Variants in CCDC116 observed in about 807,000 individuals in gnomAD.
The protein encoded by CCDC116 is coiled-coil domain-containing protein 116.
Under a neutral mutation model 29.4 loss-of-function variants are expected in CCDC116, and 24 were observed. The ratio of observed to expected loss-of-function variants is 0.82; its 90% CI spans 0.59 to 1.15. CCDC116 has a LOEUF of 1.15. CCDC116 is among the 50% of genes most tolerant of loss of function. CCDC116 has a pLI of 0.00. For synonymous variants in CCDC116, 298 were observed against 331.4 expected, an observed-to-expected ratio of 0.90 and a Z score of 1.10; for missense variants, 791 against 804.0, an observed-to-expected ratio of 0.98 and a Z score of 0.20.
Position 21,636,426 on chromosome 22 carries a change from A to G in CCDC116, c.1204-6A>G. The G allele has an allele frequency of 6.2e-7, 1 of 1,610,752 alleles. No homozygotes were observed. Among genetic ancestry groups the G allele is most frequent in the Non-Finnish European group, 8.5e-7 (1 of 1,178,976 alleles). The stretch of plus-strand genomic sequence containing the variant: ...GTGTCCCTTTCCCTCCCCGGCTGCT[A>G]TGCAGAGCCCCTGCAGCAGCAGCAG... On this transcript the variant is annotated splice_polypyrimidine_tract_variant and splice_region_variant and intron_variant, in intron 4 of 4. Coordinates refer to ENST00000292779, the MANE Select transcript of CCDC116 (RefSeq NM_152612.3).
Position 21,637,133 on chromosome 22 carries a change from C to A in CCDC116, c.*63C>A. ...ACTCCGTGGACGTGGGCCACGGTGACCCACCATGAAGTCCCCACTAGCCAC... is the reference window on the plus strand; with the variant it reads ...ACTCCGTGGACGTGGGCCACGGTGAACCACCATGAAGTCCCCACTAGCCAC... On this transcript the variant is annotated 3_prime_UTR_variant, in exon 5 of 5. Coordinates refer to ENST00000292779, the MANE Select transcript of CCDC116 (RefSeq NM_152612.3). The A allele has an allele frequency of 6.7e-7, 1 of 1,495,422 alleles. No homozygotes were observed. Among genetic ancestry groups the A allele is most frequent in the Non-Finnish European group, 8.9e-7 (1 of 1,121,566 alleles). The allele number at this position is 1,495,422 out of a possible 1,614,324, so 92.6% of individuals were successfully genotyped here. A position where few individuals can be genotyped will look rare whatever the true frequency, so the allele number is the denominator to read the frequency against.
At position 21,637,027 on chromosome 22, in the gene CCDC116, A is replaced by G; in HGVS notation, c.1799A>G (p.Lys600Arg). ...EIEDEDEDEFKDEDQDEDKDE... is the reference protein window; with the variant it reads ...EIEDEDEDEFRDEDQDEDKDE... The stretch of plus-strand genomic sequence containing the variant: ...GAAGATGAAGATGAGGATGAGTTCA[A>G]GGATGAAGACCAGGATGAGGACAAG... Residue 600 changes from lysine to arginine, a missense_variant, in exon 5 of 5, where the codon AAG (lysine) becomes AGG (arginine). Transcript: ENST00000292779. 6.2e-7 allele frequency: 1 copy of G among 1,613,332 alleles called. No homozygotes were observed. The highest frequency in any genetic ancestry group is 8.5e-7 in the Non-Finnish European group (1 of 1,180,014).
Position 21,632,818 on chromosome 22 carries a change from G to A in CCDC116, c.-72G>A, listed in dbSNP as rs1046919836. Reference sequence around the variant, plus strand: ...TGTACTGGCCTGTGCGGAGCAAGGCGGTGTTTCTGGTGAGTCTGTTGATTC... The same window carrying A: ...TGTACTGGCCTGTGCGGAGCAAGGCAGTGTTTCTGGTGAGTCTGTTGATTC... On this transcript the variant is annotated 5_prime_UTR_variant, in exon 1 of 5. Transcript: ENST00000292779. 3.8e-5 allele frequency: 16 copies of A among 423,810 alleles called. No individual in the cohort carries two copies. The highest frequency in any genetic ancestry group is 6.8e-5 in the Non-Finnish European group (15 of 221,348). 26.3% of individuals were successfully genotyped at this position (423,810 alleles called of 1,614,324 possible).
Position 21,636,873 on chromosome 22 carries a change from A to AGT in CCDC116, c.1645_1646insGT (p.Asn549SerfsTer?). On this transcript the variant is annotated frameshift_variant, in exon 5 of 5. Coordinates refer to ENST00000292779, the MANE Select transcript of CCDC116 (RefSeq NM_152612.3). LOFTEE classifies it low-confidence loss of function (END_TRUNC). ...AGAGCCCTGCCGCTCCCTCTACACCAACTTGCCAGCCAGCCGGCAGCTCAG... is the reference window on the plus strand; with the variant it reads ...AGAGCCCTGCCGCTCCCTCTACACCAGTACTTGCCAGCCAGCCGGCAGCTCAG... The AGT allele has an allele frequency of 6.2e-7, 1 of 1,613,646 alleles. No individual in the cohort carries two copies. Among genetic ancestry groups the AGT allele is most frequent in the South Asian group, 1.1e-5 (1 of 91,078 alleles).
Position 21,637,017 on chromosome 22 carries a change from G to A in CCDC116, c.1789G>A (p.Asp597Asn). The change falls in exon 5 of 5, where the codon GAT becomes AAT. Residue 597 changes from aspartate to asparagine, a missense_variant. Physicochemically the swap from Asp to Asn is conservative, Grantham distance 23. Transcript: ENST00000292779. ...AGCCGAGATTGAAGATGAAGATGAGGATGAGTTCAAGGATGAAGACCAGGA... is the reference window on the plus strand; with the variant it reads ...AGCCGAGATTGAAGATGAAGATGAGAATGAGTTCAAGGATGAAGACCAGGA... ...DKAEIEDEDE[D>N]EFKDEDQDED... 1 of 1,613,294 alleles carries A rather than the reference G, an allele frequency of 6.2e-7. No individual in the cohort carries two copies. The highest frequency in any genetic ancestry group is 8.5e-7 in the Non-Finnish European group (1 of 1,179,924).
Position 21,637,121 on chromosome 22 carries a change from G to C in CCDC116, c.*51G>C. ...CCTCGGTCAGCCACTCCGTGGACGT[G>C]GGCCACGGTGACCCACCATGAAGTC... On this transcript the variant is annotated 3_prime_UTR_variant, in exon 5 of 5. Coordinates refer to ENST00000292779, the MANE Select transcript of CCDC116 (RefSeq NM_152612.3). 6.6e-7 allele frequency: 1 copy of C among 1,509,484 alleles called. No homozygotes were observed. Among genetic ancestry groups the C allele is most frequent in the Non-Finnish European group, 8.9e-7 (1 of 1,128,074 alleles). The allele number at this position is 1,509,484 out of a possible 1,614,324, so 93.5% of individuals were successfully genotyped here. A position where few individuals can be genotyped will look rare whatever the true frequency, so the allele number is the denominator to read the frequency against.
rs781588889 is a variant in CCDC116 at position 21,634,875 on chromosome 22, A to C, written c.812A>C (p.Glu271Ala). The C allele has an allele frequency of 1.9e-6, 3 of 1,613,870 alleles. No homozygotes were observed. The African/African-American group carries it at 4.0e-5, about 22-fold the overall frequency. The change falls in exon 4 of 5, where the codon GAG (glutamate) becomes GCG (alanine). Residue 271 changes from glutamate (E) to alanine (A), a missense_variant. By Grantham distance (107) the Glu-to-Ala change is moderately radical. Coordinates refer to ENST00000292779, the MANE Select transcript of CCDC116 (RefSeq NM_152612.3). ...CAGGAGCCAATCTTCCGCAAGCGAG[A>C]GTTCAATAAGGAGATCAAGTCATTA... ...GEQEPIFRKR[E>A]FNKEIKSLLS...
chr22:21,635,692 C>T, intron 4 of CCDC116: 1 of 654,718 alleles, frequency 1.5e-6, no homozygotes. Context: ...TCTTGCCCTG[C>T]ACTGTGGAAA....
In CCDC116 at chr22:21,636,604, A is replaced by AGG; in HGVS notation, c.1377_1378insGG (p.Gln460GlyfsTer21). 1 of 1,614,150 alleles carries AGG rather than the reference A, an allele frequency of 6.2e-7. No individual in the cohort carries two copies. Among genetic ancestry groups the AGG allele is most frequent in the Non-Finnish European group, 8.5e-7 (1 of 1,180,016 alleles). ...TACGAGTTCGAAAAGGACCTCAGTA[A>AGG]GCAGCTGGGCTTCTTCTCCTTCCCC... On this transcript the variant is annotated frameshift_variant, in exon 5 of 5. Transcript: ENST00000292779. LOFTEE classifies it low-confidence loss of function (END_TRUNC).
In CCDC116 at chr22:21,635,133, C is replaced by T; in HGVS notation, c.1070C>T (p.Thr357Ile). ...PPLGSEPAKP[T>I]NGGQPYASPR... is the part of the protein sequence containing the mutation. ...CTGGGCTCTGAGCCAGCTAAACCCA[C>T]CAATGGCGGGCAGCCCTATGCTTCC... The change falls in exon 4 of 5, where the codon ACC becomes ATC. Residue 357 changes from threonine to isoleucine, a missense_variant. Thr to Ile is a moderately conservative substitution (Grantham distance 89). Coordinates refer to ENST00000292779, the MANE Select transcript of CCDC116 (RefSeq NM_152612.3). The T allele has an allele frequency of 6.2e-7, 1 of 1,604,860 alleles. No individual in the cohort carries two copies. Among genetic ancestry groups the T allele is most frequent in the Admixed American group, 1.7e-5 (1 of 60,024 alleles).
Position 21,637,207 on chromosome 22 carries a change from C to A in CCDC116, c.*137C>A. On this transcript the variant is annotated 3_prime_UTR_variant, in exon 5 of 5. Coordinates refer to ENST00000292779, the MANE Select transcript of CCDC116 (RefSeq NM_152612.3). ...TGCTGCACATCACACCAGCCCCTGC[C>A]AAGAGCAGGAGTCACCACAGGCTGA... The A allele has an allele frequency of 7.4e-7, 1 of 1,343,762 alleles. No individual in the cohort carries two copies. The highest frequency in any genetic ancestry group is 9.9e-7 in the Non-Finnish European group (1 of 1,014,772). 83.2% of individuals were successfully genotyped at this position (1,343,762 alleles called of 1,614,324 possible). A position where few individuals can be genotyped will look rare whatever the true frequency, so the allele number is the denominator to read the frequency against.
intron 2 of CCDC116, 63 bp from the exon 3 acceptor site, chr22:21,633,959 T>C (rs1930652367): frequency 1.3e-6 from 2 of 1,482,058 alleles, no homozygotes; most frequent in Non-Finnish European, 1.8e-6. Flanking sequence ...GTCCTAGTGT[T>C]ACCCCAGGGA....
rs1168999873 is a variant in CCDC116, at chr22:21,634,239, T to A, written c.290T>A (p.Met97Lys). 6.2e-7 allele frequency: 1 copy of A among 1,614,174 alleles called. No individual in the cohort carries two copies. The highest frequency in any genetic ancestry group is 1.7e-5 in the Admixed American group (1 of 60,024). ...ETVVEKATER[M>K]AAMKTEAGVP... ...GTGGTGGAGAAGGCGACTGAGCGCA[T>A]GGCTGCCATGAAGACGGAGGCTGGG... is the stretch of plus-strand genomic sequence containing the variant. Residue 97 changes from methionine (M) to lysine (K), a missense_variant, in exon 3 of 5, where the codon ATG becomes AAG. Physicochemically the swap from Met to Lys is moderately conservative, Grantham distance 95. Transcript: ENST00000292779.
At position 21,636,826 on chromosome 22, in the gene CCDC116, A is replaced by G; in HGVS notation, c.1598A>G (p.His533Arg). The stretch of plus-strand genomic sequence containing the variant: ...TCTGTGCAGCAGGAACCAGCCACCC[A>G]CACTGCCCAGGACCAGGCCACAGAG... ...TPSVQQEPATHTAQDQATEPC... is the reference protein window; with the variant it reads ...TPSVQQEPATRTAQDQATEPC... Residue 533 changes from histidine to arginine, a missense_variant, in exon 5 of 5, where the codon CAC becomes CGC. His to Arg is a conservative substitution (Grantham distance 29, BLOSUM62 0). Coordinates refer to ENST00000292779, the MANE Select transcript of CCDC116 (RefSeq NM_152612.3). The G allele has an allele frequency of 6.2e-7, 1 of 1,613,216 alleles. No individual in the cohort carries two copies. Among genetic ancestry groups the G allele is most frequent in the Non-Finnish European group, 8.5e-7 (1 of 1,179,984 alleles).
rs549228171 is a variant in CCDC116 at position 21,634,037 on chromosome 22, A to T, written c.88A>T (p.Lys30Ter). ...GTCTGCTCAGGTGCAGCTGCCCAAG[A>T]AGCCACTGGTCCCAGAAATGCGGCC... is the stretch of plus-strand genomic sequence containing the variant. ...MCSARVQLPK[K>*]PLVPEMRPAC... The change falls in exon 3 of 5, where the codon AAG becomes TAG. Residue 30 changes from lysine (K) to a stop codon, truncating the protein, a stop_gained. Transcript: ENST00000292779. LOFTEE classifies it high-confidence loss of function. 22 of 1,608,304 alleles carry T rather than the reference A, an allele frequency of 1.4e-5. No homozygotes were observed. In the East Asian group the frequency reaches 4.9e-4, roughly 36 times the overall value.
intron 4 of CCDC116, 155 bp downstream of exon 4, chr22:21,635,421 C>A: frequency 1.3e-6 from 1 of 759,406 alleles, no homozygotes; most frequent in Non-Finnish European, 2.3e-6. Flanking sequence ...ACCCTGCCCA[C>A]GCCAGGGATT....
At chr22:21,636,303 C>G in intron 4 of CCDC116, 129 bp from the exon 5 acceptor site, 4 of 756,364 alleles carry the variant, frequency 5.3e-6, no homozygotes, top group Non-Finnish European at 8.5e-6. Context: ...CTAAGGGTAC[C>G]CATTCATGTT....
rs1930674713 is a variant in CCDC116, at chr22:21,634,237, C to T, written c.288C>T (p.Arg96=). The stretch of plus-strand genomic sequence containing the variant: ...CAGTGGTGGAGAAGGCGACTGAGCG[C>T]ATGGCTGCCATGAAGACGGAGGCTG... ...LETVVEKATE[R]MAAMKTEAGV... The change falls in exon 3 of 5, where the codon CGC becomes CGT. Residue 96 remains arginine (R), a synonymous_variant. Coordinates refer to ENST00000292779, the MANE Select transcript of CCDC116 (RefSeq NM_152612.3). 2 of 1,614,070 alleles carry T rather than the reference C, an allele frequency of 1.2e-6. No individual in the cohort carries two copies. The highest frequency in any genetic ancestry group is 1.3e-5 in the African/African-American group (1 of 74,942).
chr22:21,634,496 T>C lies in CCDC116; in HGVS notation c.547T>C (p.Ser183Pro), dbSNP rs1930696560. The change falls in exon 3 of 5, where the codon TCA becomes CCA. Residue 183 changes from serine to proline, a missense_variant. Transcript: ENST00000292779. ...SRDSDLGAQG[S>P]LPPVRDKLLL... ...GGACAGTGACCTAGGTGCCCAAGGC[T>C]CATTGCCACCTGTGAGGGACAAACT... The C allele has an allele frequency of 6.2e-7, 1 of 1,613,866 alleles. No homozygotes were observed. Among genetic ancestry groups the C allele is most frequent in the Non-Finnish European group, 8.5e-7 (1 of 1,179,838 alleles).
Sources: allele counts gnomAD v4.1 joint callset, GRCh38; gene constraint gnomAD v4.1.1; transcripts MANE v1.5; gene names NCBI Gene and HGNC (gene_info 2026-07-23, HGNC 2026-07-21).